The following MYBBP1A variants were observed in gnomAD, a reference collection of about 807,000 sequenced individuals.
MYBBP1A encodes myb-binding protein 1A.
A neutral mutation model predicts 136.3 loss-of-function variants in MYBBP1A; 147 were observed. The observed-to-expected ratio is 1.08, with a 90% CI of 0.94 to 1.24. The LOEUF is 1.24. Ranked by LOEUF, MYBBP1A falls within the 50% of genes most tolerant of loss-of-function variation. The pLI, the probability that MYBBP1A is intolerant of heterozygous loss-of-function variation, is 0.00. For missense variants in MYBBP1A, 2,060 were observed against 1,727.4 expected (o/e 1.19, Z -3.41); for synonymous variants, 947 against 735.8 (o/e 1.29, Z -4.65).
Position 4,543,095 on chromosome 17 carries a change from C to T in MYBBP1A, c.2710G>A (p.Val904Met). The T allele has an allele frequency of 6.2e-7, 1 of 1,613,096 alleles. No individual in the cohort carries two copies. The highest frequency in any genetic ancestry group is 8.5e-7 in the Non-Finnish European group (1 of 1,179,894). ...GERAGALHAQVERLVQQAGRQ... is the reference protein window; with the variant it reads ...GERAGALHAQMERLVQQAGRQ... The stretch of plus-strand genomic sequence containing the variant: ...CCAGCCTGCTGCACCAACCGCTCCA[C>T]CTGGGCGTGCAGGGCCCCTGCGCGC... The change falls in exon 20 of 26, where the codon GTG (valine) becomes ATG (methionine). Residue 904 changes from valine to methionine, a missense_variant. Coordinates refer to ENST00000254718, the MANE Select transcript of MYBBP1A (RefSeq NM_014520.4).
chr17:4,548,495 G>A lies in MYBBP1A; in HGVS notation c.1556+29C>T, dbSNP rs545865160. 27 of 1,613,470 alleles carry A rather than the reference G, an allele frequency of 1.7e-5. No homozygotes were observed. Among genetic ancestry groups the A allele is most frequent in the East Asian group, 4.5e-5 (2 of 44,880 alleles). On this transcript the variant is annotated intron_variant, in intron 11 of 25. Coordinates refer to ENST00000254718, the MANE Select transcript of MYBBP1A (RefSeq NM_014520.4). This position sits in a 1 kb window ranked among gnomAD's most constrained non-coding sequence, Gnocchi z 4.2. ...GCGCCCTCAAGGCCTTCCCACCTTC[G>A]GACCTCTCCTGGGCTGCCCAAGACT...
rs1907782384 is a variant in MYBBP1A at position 4,554,027 on chromosome 17, G to A, written c.445C>T (p.Leu149=). Residue 149 remains leucine, a synonymous_variant, in exon 4 of 26, where the codon CTG becomes TTG. Transcript: ENST00000254718. ...CCCTCCAAAGCTCTTACCTTCACCA[G>A]CCGACCTGACTGAAAGAGGGCGAGC... The part of the protein sequence containing the change: ...GVLALFQSGR[L]VKDQEALMKS... The A allele has an allele frequency of 6.2e-7, 1 of 1,613,876 alleles. No individual in the cohort carries two copies. Among genetic ancestry groups the A allele is most frequent in the African/African-American group, 1.3e-5 (1 of 74,878 alleles).
Position 4,545,271 on chromosome 17 carries a change from C to G in MYBBP1A, c.2148G>C (p.Leu716=), listed in dbSNP as rs1308658742. The change falls in exon 16 of 26, where the codon CTG becomes CTC. Residue 716 remains leucine (L), a synonymous_variant. Coordinates refer to ENST00000254718, the MANE Select transcript of MYBBP1A (RefSeq NM_014520.4). ...VVTDDSDERR[L]KGAEDKSEEG... is the part of the protein sequence containing the mutation. ...ATGCTGGCAACACCTCTGCACCCTT[C>G]AGCCGCCGCTCATCAGAATCGTCCG... The G allele has an allele frequency of 6.2e-7, 1 of 1,612,706 alleles. No individual in the cohort carries two copies. The highest frequency in any genetic ancestry group is 1.3e-5 in the African/African-American group (1 of 74,738).
At chr17:4,544,697 C>CGG (rs1567606878) in intron 18 of MYBBP1A, 51 bp from the exon 19 acceptor site, 6 of 292,094 alleles carry the variant, frequency 2.1e-5, no homozygotes, top group Non-Finnish European at 3.3e-5. Flanking sequence ...CACAGGGAGG[C>CGG]GGGGGTGGGC....
At chr17:4,543,762 G>A (rs1906686426) in intron 19 of MYBBP1A, among the ~76,000 whole-genome samples, 1 of 152,020 alleles carries the variant, frequency 6.6e-6, no homozygotes, top group Non-Finnish European at 1.5e-5. Context: ...TCTACCAGGT[G>A]CCTGCCTGTC....
Position 4,544,623 on chromosome 17 carries a change from T to TAGCACCTCCACCAGGTCC in MYBBP1A, c.2487_2504dup (p.Asp830_Leu835dup). 6.3e-7 allele frequency: 1 copy of TAGCACCTCCACCAGGTCC among 1,590,178 alleles called. No individual in the cohort carries two copies. Among genetic ancestry groups the TAGCACCTCCACCAGGTCC allele is most frequent in the Non-Finnish European group, 8.6e-7 (1 of 1,168,806 alleles). On this transcript the variant is annotated inframe_insertion, in exon 19 of 26. Transcript: ENST00000254718. ...GGGCATTCTCGGGCTGCTTGGTCAC[T>TAGCACCTCCACCAGGTCC]AGCACCTCCACCAGGTCCAGCACCT...
In MYBBP1A at chr17:4,545,197, G is replaced by A. The variant is rs767965735; in HGVS notation, c.2161-22C>T. The A allele has an allele frequency of 5.1e-5, 82 of 1,612,742 alleles. No individual in the cohort carries two copies. The African/African-American group carries it at 5.8e-4, about 11-fold the overall frequency. ...TGTCCTGTGTGGTAGAGGCAGGCGC[G>A]TCACACACCTCCCCGATCGTCCCAC... On this transcript the variant is annotated intron_variant, in intron 16 of 25. Transcript: ENST00000254718.
chr17:4,542,418 G>A lies in MYBBP1A; in HGVS notation c.3087+46C>T, dbSNP rs748933229. ...TATCCAGTCAGAAGAGGGTTAAGCG[G>A]GTTAATTCAGACAGGCCCTGGGCTG... On this transcript the variant is annotated intron_variant, in intron 22 of 25. Transcript: ENST00000254718. 6 of 1,562,274 alleles carry A rather than the reference G, an allele frequency of 3.8e-6. No homozygotes were observed. The East Asian group carries it at 9.0e-5, about 23-fold the overall frequency.
At position 4,554,747 on chromosome 17, in the gene MYBBP1A, C is replaced by G. The variant is rs907579331; in HGVS notation, c.294+114G>C. On this transcript the variant is annotated intron_variant, in intron 2 of 25. Coordinates refer to ENST00000254718, the MANE Select transcript of MYBBP1A (RefSeq NM_014520.4). Reference sequence around the variant, plus strand: ...TGGCCTCCAGTCTGCTCTGCCACTCCCGACCTCTCTCTCGGGCTGCCCCTC... The same window carrying G: ...TGGCCTCCAGTCTGCTCTGCCACTCGCGACCTCTCTCTCGGGCTGCCCCTC... 4 of 1,032,318 alleles carry G rather than the reference C, an allele frequency of 3.9e-6. No homozygotes were observed. The East Asian group carries it at 1.0e-4, about 27-fold the overall frequency. 63.9% of individuals were successfully genotyped at this position (1,032,318 alleles called of 1,614,324 possible).
At chr17:4,551,642 G>A (rs1208205070) in intron 8 of MYBBP1A, among the ~76,000 whole-genome samples, 1 of 152,182 alleles carries the variant, frequency 6.6e-6, no homozygotes. Flanking sequence ...CTGGGAGGCG[G>A]AGGTTGCAGT....
In MYBBP1A at chr17:4,539,560, A is replaced by AT; in HGVS notation, c.3841_3842insA (p.Leu1281HisfsTer64). ...TTTGCCCAAGACCCCCTTTTTGGGA[A>AT]GAGCCTTCTGATGCTGCTTTTGGCC... is the stretch of plus-strand genomic sequence containing the variant. On this transcript the variant is annotated frameshift_variant, in exon 26 of 26. Transcript: ENST00000254718. LOFTEE classifies it low-confidence loss of function (END_TRUNC). The AT allele has an allele frequency of 6.2e-7, 1 of 1,614,088 alleles. No homozygotes were observed. The highest frequency in any genetic ancestry group is 8.5e-7 in the Non-Finnish European group (1 of 1,180,000).
chr17:4,544,809 C>G lies in MYBBP1A; in HGVS notation c.2423G>C (p.Arg808Pro). The change falls in exon 18 of 26, where the codon CGA becomes CCA. Residue 808 changes from arginine to proline, a missense_variant. Physicochemically the swap from Arg to Pro is moderately radical, Grantham distance 103. Transcript: ENST00000254718. ...CTTCTGCAGCTTGTTCTTCTCGTCT[C>G]GCCGGGCCTGGATACGCAGCTTCTG... ...AEQKLRIQAR[R>P]DEKNKLQKEK... The G allele has an allele frequency of 1.2e-6, 2 of 1,602,578 alleles. No individual in the cohort carries two copies. The highest frequency in any genetic ancestry group is 1.7e-6 in the Non-Finnish European group (2 of 1,175,096).
intron 13 of MYBBP1A, 62 bp from the exon 14 acceptor site, chr17:4,546,004 C>G (rs574755328): frequency 2.0e-6 from 3 of 1,510,420 alleles, no homozygotes; most frequent in African/African-American, 1.4e-5. Flanking sequence ...CTAAACCAGG[C>G]AAGGGGCTGG....
At position 4,544,923 on chromosome 17, in the gene MYBBP1A, T is replaced by C. The variant is rs764165167; in HGVS notation, c.2311-2A>G. 5.6e-6 allele frequency: 9 copies of C among 1,597,626 alleles called. No homozygotes were observed. Among genetic ancestry groups the C allele is most frequent in the African/African-American group, 5.4e-5 (4 of 74,616 alleles). ...CTCGTTCTCACTGTCCTCTCCACCCTGAGGGACAGAGGCCCAGCGGTCAGC... is the reference window on the plus strand; with the variant it reads ...CTCGTTCTCACTGTCCTCTCCACCCCGAGGGACAGAGGCCCAGCGGTCAGC... On this transcript the variant is annotated splice_acceptor_variant, in intron 17 of 25. Transcript: ENST00000254718. LOFTEE classifies it high-confidence loss of function.
chr17:4,549,187 T>C (rs1256772807), intron 10 of MYBBP1A, 145 bp downstream of exon 10: 1 of 672,446 alleles, frequency 1.5e-6, no homozygotes, highest in African/African-American at 1.8e-5. Flanking sequence ...TCCTGAGGAA[T>C]TCCCAAGTCC....
At position 4,552,003 on chromosome 17, in the gene MYBBP1A, G is replaced by A. The variant is rs761655077; in HGVS notation, c.906-6C>T. The stretch of plus-strand genomic sequence containing the variant: ...GCAGGCGGAAACACAGGTAGCTAAA[G>A]GGGGTGCAGGACAGAGCCTGGTCAG... On this transcript the variant is annotated splice_polypyrimidine_tract_variant and splice_region_variant and intron_variant, in intron 7 of 25. Coordinates refer to ENST00000254718, the MANE Select transcript of MYBBP1A (RefSeq NM_014520.4). The surrounding 1 kb of genome is among the most constrained non-coding windows in gnomAD (Gnocchi z 4.7). 2.5e-6 allele frequency: 4 copies of A among 1,606,518 alleles called. No individual in the cohort carries two copies. The highest frequency in any genetic ancestry group is 2.6e-6 in the Non-Finnish European group (3 of 1,174,932).
Position 4,554,255 on chromosome 17 carries a change from G to A in MYBBP1A, c.318C>T (p.Leu106=). 6.2e-7 allele frequency: 1 copy of A among 1,614,060 alleles called. No homozygotes were observed. Among genetic ancestry groups the A allele is most frequent in the Non-Finnish European group, 8.5e-7 (1 of 1,180,012 alleles). The change falls in exon 3 of 26, where the codon CTC becomes CTT. Residue 106 remains leucine (L), a synonymous_variant. Transcript: ENST00000254718. ...LAQLLQSFED[L]PLCSILQQIQ... Reference sequence around the variant, plus strand: ...TCTGCTGCAGGATGCTGCACAAGGGGAGGTCTTCAAAAGACTGTAACAGCT... The same window carrying A: ...TCTGCTGCAGGATGCTGCACAAGGGAAGGTCTTCAAAAGACTGTAACAGCT...
intron 24 of MYBBP1A, 105 bp downstream of exon 24, chr17:4,541,358 A>ACC: frequency 1.0e-6 from 1 of 998,334 alleles, no homozygotes; most frequent in Non-Finnish European, 1.5e-6. Flanking sequence ...TCCCCACATG[A>ACC]CCCCCATCCC....
intron 1 of MYBBP1A, 21 bp from the exon 2 acceptor site, chr17:4,554,977 T>G (rs1907896412): frequency 1.2e-6 from 2 of 1,612,552 alleles, no homozygotes; most frequent in Non-Finnish European, 1.7e-6. Context: ...AAGCACACCC[T>G]CGTGTTCAAT....
Sources: gnomAD v4.1 joint callset for allele counts (sites outside exome capture counted in the v4.1 genomes callset) on GRCh38, gnomAD v4.1.1 for gene constraint, Gnocchi (gnomAD v3.1) non-coding constraint, MANE v1.5 for transcripts, NCBI Gene and HGNC (gene_info 2026-07-23, HGNC 2026-07-21) for gene names.